Variants in RBFOX1 observed in about 807,000 individuals in gnomAD.
RBFOX1 encodes RNA binding protein fox-1 homolog 1.
Under a neutral mutation model 57.7 loss-of-function variants are expected in RBFOX1, and 8 were observed. The observed-to-expected ratio is 0.14, with a 90% CI of 0.08 to 0.25. The LOEUF (loss-of-function observed/expected upper bound fraction) is 0.25, where lower values mean the gene tolerates loss of function less well. Among genes scored for constraint, RBFOX1 ranks in the 10% least tolerant of loss-of-function variants. RBFOX1 has a pLI of 1.00. For synonymous variants in RBFOX1, 326 were observed against 222.4 expected, an observed-to-expected ratio of 1.47 and a Z score of -4.15; for missense variants, 611 against 548.5, an observed-to-expected ratio of 1.11 and a Z score of -1.14.
At chr16:6,696,358 T>C (rs2061046610) in intron 3 of RBFOX1, among the ~76,000 whole-genome samples, 1 of 152,200 alleles carries the variant, frequency 6.6e-6, no homozygotes, top group Admixed American at 6.5e-5. Flanking sequence ...TAGCACTTTC[T>C]TTATAATATG....
At chr16:6,572,909 C>G (rs1418587487) in intron 2 of RBFOX1, among the ~76,000 whole-genome samples, 7 of 152,060 alleles carry the variant, frequency 4.6e-5, no homozygotes, top group Admixed American at 3.3e-4. Context: ...TAAATACTTA[C>G]TAAGTGCCTA....
At chr16:7,006,460 T>A (rs141401405) in intron 3 of RBFOX1, among the ~76,000 whole-genome samples, 2,656 of 152,214 alleles carry the variant, frequency 0.017, 40 homozygotes, top group Non-Finnish European at 0.03. Flanking sequence ...GCCAAACAAG[T>A]TTTTTTATGT....
intron 1 of RBFOX1, among the ~76,000 whole-genome samples, chr16:6,123,190 A>G (rs529102311): frequency 3.3e-5 from 5 of 152,330 alleles, no homozygotes; most frequent in East Asian, 3.9e-4. Flanking sequence ...TCTTGCACAG[A>G]TACTTGTATA....
intron 3 of RBFOX1, among the ~76,000 whole-genome samples, chr16:5,618,364 GTCT>G (rs2048107016): frequency 6.6e-6 from 1 of 151,772 alleles, no homozygotes; most frequent in African/African-American, 2.4e-5. Flanking sequence ...GTGTGACAGA[GTCT>G]CGCTCTGTCA....
chr16:6,446,715 G>A (rs891989683), intron 2 of RBFOX1, among the ~76,000 whole-genome samples: 6 of 152,098 alleles, frequency 3.9e-5, no homozygotes, highest in African/African-American at 4.8e-5. Context: ...ATTAAATAGA[G>A]TTAGTTATAT....
chr16:6,166,612 G>C (rs958826099), intron 1 of RBFOX1, among the ~76,000 whole-genome samples: 1 of 152,062 alleles, frequency 6.6e-6, no homozygotes, highest in Non-Finnish European at 1.5e-5. Flanking sequence ...TTTGTTTTCA[G>C]GAAAAGGAGA....
At chr16:7,279,036 AT>A (rs538779575) in intron 4 of RBFOX1, among the ~76,000 whole-genome samples, 94 of 151,810 alleles carry the variant, frequency 6.2e-4, no homozygotes, top group Non-Finnish European at 1.1e-3. Context: ...TGACGGATGG[AT>A]AAAAAGTCCT....
At chr16:6,870,181 C>T (rs988356988) in intron 3 of RBFOX1, among the ~76,000 whole-genome samples, 3 of 152,014 alleles carry the variant, frequency 2.0e-5, no homozygotes, top group Admixed American at 1.3e-4. Context: ...AGGGTTTGGC[C>T]CGAAAACCTT....
intron 1 of RBFOX1, among the ~76,000 whole-genome samples, chr16:5,373,201 T>G (rs554682150): frequency 3.8e-4 from 58 of 152,232 alleles, no homozygotes; most frequent in African/African-American, 1.3e-3. Flanking sequence ...TGGGAGTTTG[T>G]TTTTATGGCT....
At chr16:6,091,085 CT>C in intron 1 of RBFOX1, among the ~76,000 whole-genome samples, 1 of 152,252 alleles carries the variant, frequency 6.6e-6, no homozygotes, top group Non-Finnish European at 1.5e-5. Context: ...TCTAGCTATT[CT>C]TAAATATATA....
intron 3 of RBFOX1, among the ~76,000 whole-genome samples, chr16:6,692,303 A>C (rs1422811022): frequency 6.7e-6 from 1 of 149,358 alleles, no homozygotes; most frequent in Non-Finnish European, 1.5e-5. Context: ...CCTCTCTAAC[A>C]TTAAAGAGCA....
chr16:6,778,282 C>G (rs576251137), intron 3 of RBFOX1, among the ~76,000 whole-genome samples: 1 of 152,156 alleles, frequency 6.6e-6, no homozygotes, highest in East Asian at 1.9e-4. Context: ...TACAAAGTAA[C>G]AAACACATGC....
At chr16:5,572,644 G>A (rs369475457) in intron 2 of RBFOX1, among the ~76,000 whole-genome samples, 2 of 152,192 alleles carry the variant, frequency 1.3e-5, no homozygotes, top group East Asian at 1.9e-4. Flanking sequence ...CTGTGAAATA[G>A]TGTAATGGAG....
At chr16:7,555,676 T>C (rs2088163716) in intron 5 of RBFOX1, among the ~76,000 whole-genome samples, 2 of 152,182 alleles carry the variant, frequency 1.3e-5, no homozygotes, top group South Asian at 4.1e-4. Flanking sequence ...CTTCATCACT[T>C]TCTCACCGCA....
intron 2 of RBFOX1, among the ~76,000 whole-genome samples, chr16:6,336,173 ATATATATATTTTTTTTTT>A (rs2083672292): frequency 5.8e-5 from 2 of 34,192 alleles, no homozygotes; most frequent in Admixed American, 5.1e-4. Flanking sequence ...ATATATATAT[ATATATATATTTTTTTTTT>A]TTTTTTTTTT....
chr16:7,418,588 C>T (rs1464230271), intron 4 of RBFOX1, among the ~76,000 whole-genome samples: 2 of 152,044 alleles, frequency 1.3e-5, no homozygotes, highest in African/African-American at 2.4e-5. Context: ...TATGAAAGAC[C>T]CAAACAATAT....
At chr16:7,566,057 A>G (rs2091611492) in intron 5 of RBFOX1, among the ~76,000 whole-genome samples, 1 of 152,202 alleles carries the variant, frequency 6.6e-6, no homozygotes. Context: ...TGCATCTGAT[A>G]CAGTGTTTAT....
At chr16:7,005,674 C>G (rs754441023) in intron 3 of RBFOX1, among the ~76,000 whole-genome samples, 57 of 152,136 alleles carry the variant, frequency 3.7e-4, no homozygotes, top group Non-Finnish European at 6.5e-4. Context: ...CATAGAATAT[C>G]AGCATCAGAC....
chr16:5,608,428 G>C (rs2047664034), intron 3 of RBFOX1, among the ~76,000 whole-genome samples: 2 of 152,290 alleles, frequency 1.3e-5, no homozygotes, highest in South Asian at 4.1e-4. Flanking sequence ...GTGGTTCTGT[G>C]CATGGCTGGG....
Sources: gnomAD v4.1 joint callset for allele counts (sites outside exome capture counted in the v4.1 genomes callset) on GRCh38, gnomAD v4.1.1 for gene constraint, MANE v1.5 for transcripts, NCBI Gene and HGNC (gene_info 2026-07-23, HGNC 2026-07-21) for gene names.